DCT: variants seen among roughly 807,000 people sequenced by gnomAD.
The protein encoded by DCT is dopachrome tautomerase.
In DCT, 47 loss-of-function variants were observed where a neutral mutation model predicts 53.0. That is an observed-to-expected ratio of 0.89 (90% confidence interval 0.70 to 1.13). The LOEUF is 1.13. DCT is among the 50% of genes most tolerant of loss of function. DCT has a pLI of 0.00. For missense variants in DCT, 669 were observed against 637.4 expected (o/e 1.05, Z -0.53); for synonymous variants, 244 against 237.0 (o/e 1.03, Z -0.27).
chr13:94,501,040 G>A, the DCT span, among the ~76,000 whole-genome samples: 1 of 151,938 alleles, frequency 6.6e-6, no homozygotes, highest in African/African-American at 2.4e-5. Context: ...GCTGAGGCGG[G>A]CAGATCACGA....
the DCT span, among the ~76,000 whole-genome samples, chr13:94,518,802 T>C: frequency 1.3e-5 from 2 of 152,234 alleles, no homozygotes; most frequent in Non-Finnish European, 2.9e-5. Context: ...CAGTTCTTCA[T>C]AGAATAATGT....
chr13:94,546,786 T>A, the DCT span, among the ~76,000 whole-genome samples: 13 of 152,092 alleles, frequency 8.5e-5, no homozygotes, highest in Admixed American at 3.3e-4. The surrounding 1 kb of genome is among the most constrained non-coding windows in gnomAD (Gnocchi z 4.2). Flanking sequence ...GTTGGGCGAG[T>A]AAGCTGAAGC....
intron 6 of DCT, among the ~76,000 whole-genome samples, chr13:94,457,197 A>C (rs1594292288): frequency 6.6e-6 from 1 of 152,358 alleles, no homozygotes; most frequent in South Asian, 2.1e-4. Flanking sequence ...TATAAATGCT[A>C]TATCTGGACT....
chr13:94,444,044 T>C (rs1882549905), intron 6 of DCT, among the ~76,000 whole-genome samples: 1 of 152,220 alleles, frequency 6.6e-6, no homozygotes, highest in African/African-American at 2.4e-5. Context: ...ATACATGTTC[T>C]AGTATTGAGA....
chr13:94,464,646 C>CA (rs1413776909), intron 4 of DCT, among the ~76,000 whole-genome samples: 7 of 144,998 alleles, frequency 4.8e-5, no homozygotes, highest in South Asian at 2.2e-4. Flanking sequence ...CTCAAAAAAA[C>CA]AAAAAAACAA....
the DCT span, among the ~76,000 whole-genome samples, chr13:94,496,532 A>T: frequency 3.3e-5 from 5 of 152,082 alleles, no homozygotes; most frequent in Non-Finnish European, 4.4e-5. Flanking sequence ...ATTTTCACTC[A>T]TCTCAAAGAA....
chr13:94,462,230 G>A (rs1883859148), intron 4 of DCT, 41 bp from the exon 5 acceptor site: 1 of 1,484,892 alleles, frequency 6.7e-7, no homozygotes, highest in East Asian at 2.3e-5. Context: ...TATGTTGGCT[G>A]GGCACAGTGG....
At chr13:94,472,554 ATATATATATATATATTTTTTTTTTTTTTT>A (rs1566855250) in intron 1 of DCT, among the ~76,000 whole-genome samples, 10 of 23,298 alleles carry the variant, frequency 4.3e-4, no homozygotes, top group Non-Finnish European at 5.9e-4. Context: ...ATATATATAT[ATATATATATATATATTTTTTTTTTTTTTT>A]TTTTTTTTTT....
At chr13:94,510,079 C>T in the DCT span, among the ~76,000 whole-genome samples, 1 of 152,130 alleles carries the variant, frequency 6.6e-6, no homozygotes, top group Admixed American at 6.5e-5. Context: ...TAAGATATTC[C>T]TCCTGGCTGG....
the DCT span, among the ~76,000 whole-genome samples, chr13:94,493,476 C>T: frequency 6.6e-6 from 1 of 152,082 alleles, no homozygotes; most frequent in African/African-American, 2.4e-5. Flanking sequence ...ACATTCATTA[C>T]CTTGAGTGTG....
intron 1 of DCT, among the ~76,000 whole-genome samples, chr13:94,473,957 T>C (rs1884912882): frequency 6.6e-6 from 1 of 152,224 alleles, no homozygotes. Flanking sequence ...TGGAGATGAC[T>C]GAAAAGTGTA....
the DCT span, among the ~76,000 whole-genome samples, chr13:94,514,093 A>C: frequency 6.6e-6 from 1 of 151,772 alleles, no homozygotes; most frequent in Non-Finnish European, 1.5e-5. Flanking sequence ...TGAGACTAGG[A>C]TCATGGGCTG....
intron 6 of DCT, among the ~76,000 whole-genome samples, chr13:94,451,878 C>T (rs761508034): frequency 5.9e-5 from 9 of 151,668 alleles, no homozygotes; most frequent in East Asian, 1.9e-4. Flanking sequence ...ACACAGAGGA[C>T]GAATTACTTT....
the DCT span, among the ~76,000 whole-genome samples, chr13:94,514,420 CAG>C: frequency 6.6e-6 from 1 of 152,302 alleles, no homozygotes; most frequent in Non-Finnish European, 1.5e-5. Context: ...CTGACCATTG[CAG>C]AGTCTGAGAG....
At chr13:94,547,370 G>A in the DCT span, among the ~76,000 whole-genome samples, 1 of 151,970 alleles carries the variant, frequency 6.6e-6, no homozygotes, top group Non-Finnish European at 1.5e-5. Context: ...GCCCACCTCG[G>A]CCTGCCAAAG....
the DCT span, among the ~76,000 whole-genome samples, chr13:94,494,837 T>G: frequency 6.6e-6 from 1 of 152,156 alleles, no homozygotes; most frequent in Non-Finnish European, 1.5e-5. Context: ...TTCTGCATTA[T>G]TTTTTCCATT....
Position 94,478,743 on chromosome 13 carries a change from C to T in DCT, c.295+218G>A, listed in dbSNP as rs191659729. Among the ~76,000 whole-genome samples, 517 of 152,370 alleles carry T rather than the reference C, an allele frequency of 3.4e-3. 1 individual carries two copies. Among genetic ancestry groups the T allele is most frequent in the African/African-American group, 0.011 (466 of 41,590 alleles). On this transcript the variant is annotated intron_variant, in intron 1 of 7. Coordinates refer to ENST00000377028, the MANE Select transcript of DCT (RefSeq NM_001922.5). ...CATTCATATAAGCAGGCTTGGCCCA[C>T]GCCATATTTATTTAGTCTTCATAAC...
chr13:94,494,132 C>T, the DCT span, among the ~76,000 whole-genome samples: 1 of 152,292 alleles, frequency 6.6e-6, no homozygotes, highest in Non-Finnish European at 1.5e-5. Context: ...CTGCATTAAG[C>T]CCACTCATGG....
the DCT span, among the ~76,000 whole-genome samples, chr13:94,515,667 A>G: frequency 1.3e-5 from 2 of 152,162 alleles, no homozygotes; most frequent in South Asian, 4.1e-4. Context: ...GTTCAGAAAA[A>G]GAGAAGCTTC....
Sources: allele counts gnomAD v4.1 joint callset (sites outside exome capture counted in the v4.1 genomes callset), GRCh38; gene constraint gnomAD v4.1.1; non-coding constraint Gnocchi (gnomAD v3.1); transcripts MANE v1.5; gene names NCBI Gene and HGNC (gene_info 2026-07-23, HGNC 2026-07-21).